The following PLA2G6 variants were observed in gnomAD, a reference collection of about 807,000 sequenced individuals.
The protein encoded by PLA2G6 is phospholipase A2 group VI, also known as 85/88 kDa calcium-independent phospholipase A2.
In PLA2G6, 62 loss-of-function variants were observed where a neutral mutation model predicts 83.8. That is an observed-to-expected ratio of 0.74 (90% CI 0.60 to 0.91). The LOEUF is 0.91. Among genes scored for constraint, PLA2G6 ranks in the 40% least tolerant of loss-of-function variants. The pLI is 0.00. For missense variants in PLA2G6, 944 were observed against 1,102.0 expected (o/e 0.86, Z 2.03); for synonymous variants, 417 against 449.8 (o/e 0.93, Z 0.92).
chr22:38,152,506 C>A (rs1012668142), intron 2 of PLA2G6, among the ~76,000 whole-genome samples: 4 of 151,910 alleles, frequency 2.6e-5, no homozygotes, highest in Admixed American at 1.3e-4. Flanking sequence ...TGTGCCTGGC[C>A]CGTGCCTGGC....
In PLA2G6 at chr22:38,132,516, G is replaced by C. The variant is rs558028655; in HGVS notation, c.1077+315C>G. ...CAGATGAGGAAATCGAGGCTGACAG[G>C]TGACATGGCTTGCTCAGGGCCAGTC... On this transcript the variant is annotated intron_variant, in intron 7 of 16. Transcript: ENST00000332509. This position sits in a 1 kb window ranked among gnomAD's most constrained non-coding sequence, Gnocchi z 5.0. 21 of 485,436 alleles carry C rather than the reference G, an allele frequency of 4.3e-5. No individual in the cohort carries two copies. Among genetic ancestry groups the C allele is most frequent in the Admixed American group, 4.1e-4 (11 of 27,090 alleles). The allele number at this position is 485,436 out of a possible 1,614,324, so 30.1% of individuals were successfully genotyped here.
At chr22:38,113,755 A>G (rs1436396251) in intron 14 of PLA2G6, 101 bp from the exon 15 acceptor site, 2 of 1,069,852 alleles carry the variant, frequency 1.9e-6, no homozygotes, top group Middle Eastern at 2.0e-4. Context: ...TCTGGGGCAC[A>G]TGAGAACAGG....
intron 2 of PLA2G6, among the ~76,000 whole-genome samples, chr22:38,160,318 T>C (rs914320130): frequency 2.6e-5 from 4 of 152,178 alleles, no homozygotes; most frequent in African/African-American, 7.2e-5. Flanking sequence ...TTTACTAACG[T>C]TGAAGACAAG....
At chr22:38,143,006 TGA>T in intron 4 of PLA2G6, 97 bp downstream of exon 4, 2 of 1,099,810 alleles carry the variant, frequency 1.8e-6, no homozygotes, top group Non-Finnish European at 2.8e-6. Flanking sequence ...TGGGGGACAG[TGA>T]GAGGCCTGAG....
chr22:38,124,558 C>A (rs1410940640), intron 10 of PLA2G6, among the ~76,000 whole-genome samples: 1 of 152,176 alleles, frequency 6.6e-6, no homozygotes, highest in African/African-American at 2.4e-5. Context: ...CTGAGAGAAG[C>A]CTGCCCTGAT....
At chr22:38,146,693 A>AAG (rs1296711340) in intron 2 of PLA2G6, 1 of 152,130 alleles carries the variant, frequency 6.6e-6, no homozygotes, top group Non-Finnish European at 1.5e-5. Flanking sequence ...ATATTATATA[A>AAG]ATTATGGTAT....
intron 2 of PLA2G6, among the ~76,000 whole-genome samples, chr22:38,151,013 G>A (rs560770113): frequency 2.1e-4 from 32 of 152,156 alleles, no homozygotes; most frequent in Non-Finnish European, 4.1e-4. Context: ...CTTGAACCTG[G>A]GAGGCGGAGA....
In PLA2G6 at chr22:38,132,660, G is replaced by A; in HGVS notation, c.1077+171C>T. ...TTATTTTGGGCTGAGAGGGGGACTT[G>A]GAAGGCTTCCTGAGGGAGGAGTCAG... is the stretch of plus-strand genomic sequence containing the variant. On this transcript the variant is annotated intron_variant, in intron 7 of 16. Transcript: ENST00000332509. The surrounding 1 kb of genome is among the most constrained non-coding windows in gnomAD (Gnocchi z 5.0). 9 of 638,902 alleles carry A rather than the reference G, an allele frequency of 1.4e-5. 1 individual carries two copies. The highest frequency in any genetic ancestry group is 4.2e-4 in the Middle Eastern group (1 of 2,362). The allele number at this position is 638,902 out of a possible 1,614,324, so 39.6% of individuals were successfully genotyped here. A position where few individuals can be genotyped will look rare whatever the true frequency, so the allele number is the denominator to read the frequency against.
chr22:38,115,803 T>G (rs1217385730), intron 13 of PLA2G6, 122 bp from the exon 14 acceptor site: 1 of 1,485,330 alleles, frequency 6.7e-7, no homozygotes, highest in Non-Finnish European at 8.9e-7. Flanking sequence ...GGCTGGGAAC[T>G]CTTCAGAAGC....
chr22:38,157,239 A>G (rs1444115411), intron 2 of PLA2G6, among the ~76,000 whole-genome samples: 1 of 152,154 alleles, frequency 6.6e-6, no homozygotes, highest in Non-Finnish European at 1.5e-5. Flanking sequence ...AAAGAGAGAA[A>G]ACCCAAACAA....
chr22:38,128,949 C>A lies in PLA2G6; in HGVS notation c.1186+505G>T, dbSNP rs1446004283. Reference sequence around the variant, plus strand: ...CAGTGACCCCCACAGCTGCTGAAACCCTCCAGAGCGGGCTCCAGGCCTCTG... The same window carrying A: ...CAGTGACCCCCACAGCTGCTGAAACACTCCAGAGCGGGCTCCAGGCCTCTG... On this transcript the variant is annotated intron_variant, in intron 8 of 16. Transcript: ENST00000332509. This position sits in a 1 kb window ranked among gnomAD's most constrained non-coding sequence, Gnocchi z 4.4. 2.0e-5 allele frequency among the ~76,000 whole-genome samples: 3 copies of A among 152,258 alleles called. No homozygotes were observed. Among genetic ancestry groups the A allele is most frequent in the African/African-American group, 7.2e-5 (3 of 41,474 alleles).
chr22:38,171,764 T>C (rs2090446660), intron 1 of PLA2G6, among the ~76,000 whole-genome samples: 1 of 148,818 alleles, frequency 6.7e-6, no homozygotes, highest in South Asian at 2.1e-4. Flanking sequence ...GAGGTTGCAG[T>C]GAGCCAAGAT....
chr22:38,120,554 C>A (rs2087464128), intron 12 of PLA2G6, among the ~76,000 whole-genome samples: 1 of 151,974 alleles, frequency 6.6e-6, no homozygotes, highest in Non-Finnish European at 1.5e-5. Flanking sequence ...CCAGGCCACG[C>A]CCCTCCTGCG....
At chr22:38,115,093 C>G (rs978782416) in intron 14 of PLA2G6, among the ~76,000 whole-genome samples, 10 of 152,360 alleles carry the variant, frequency 6.6e-5, no homozygotes, top group African/African-American at 2.2e-4. Flanking sequence ...GGATGGGTCC[C>G]CTGTTCCATG....
chr22:38,126,097 G>C, intron 10 of PLA2G6: 1 of 509,062 alleles, frequency 2.0e-6, no homozygotes, highest in South Asian at 1.8e-5. Flanking sequence ...AAGGAGATCA[G>C]GGAGGGAGGC....
chr22:38,164,131 T>G (rs2090126072), intron 2 of PLA2G6, among the ~76,000 whole-genome samples: 1 of 152,150 alleles, frequency 6.6e-6, no homozygotes, highest in South Asian at 2.1e-4. Flanking sequence ...AACAGAAGTA[T>G]CTATGCTATC....
rs1341823224 is a variant in PLA2G6 at position 38,128,600 on chromosome 22, G to A, written c.1187-170C>T. ...ACCCTGACAGGGAGTGCTGCCCCCAGGCTGGTACATCCCAAGCAGCTTCCT... is the reference window on the plus strand; with the variant it reads ...ACCCTGACAGGGAGTGCTGCCCCCAAGCTGGTACATCCCAAGCAGCTTCCT... On this transcript the variant is annotated intron_variant, in intron 8 of 16. Coordinates refer to ENST00000332509, the MANE Select transcript of PLA2G6 (RefSeq NM_003560.4). This position sits in a 1 kb window ranked among gnomAD's most constrained non-coding sequence, Gnocchi z 4.4. Among the ~76,000 whole-genome samples the A allele has an allele frequency of 1.3e-5, 2 of 152,174 alleles. No individual in the cohort carries two copies. Among genetic ancestry groups the A allele is most frequent in the South Asian group, 2.1e-4 (1 of 4,832 alleles).
intron 2 of PLA2G6, chr22:38,146,553 T>A (rs993594498): frequency 1.3e-5 from 2 of 152,130 alleles, no homozygotes; most frequent in African/African-American, 4.8e-5. Flanking sequence ...ATATTTTATT[T>A]TACCACAGCC....
chr22:38,143,177 CATCT>C lies in PLA2G6; in HGVS notation c.533_536del (p.Gln178ArgfsTer35), dbSNP rs2089023572. ...TCTCTCCCTTGTAGTCGGTGACATC[CATCT>C]GAGTGTGGCAGTACTGCACCAGCTC... On this transcript the variant is annotated frameshift_variant, in exon 4 of 17. Coordinates refer to ENST00000332509, the MANE Select transcript of PLA2G6 (RefSeq NM_003560.4). LOFTEE classifies it high-confidence loss of function. The C allele has an allele frequency of 5.6e-6, 9 of 1,614,080 alleles. No homozygotes were observed. Among genetic ancestry groups the C allele is most frequent in the Non-Finnish European group, 6.8e-6 (8 of 1,180,044 alleles).
Sources: gnomAD v4.1 joint callset for allele counts (sites outside exome capture counted in the v4.1 genomes callset) on GRCh38, gnomAD v4.1.1 for gene constraint, Gnocchi (gnomAD v3.1) non-coding constraint, MANE v1.5 for transcripts, NCBI Gene and HGNC (gene_info 2026-07-23, HGNC 2026-07-21) for gene names.